Variants in TENM2 observed in about 807,000 individuals in gnomAD.
TENM2 encodes the protein teneurin-2.
In TENM2, 52 loss-of-function variants were observed where a neutral mutation model predicts 245.2. The observed-to-expected ratio is 0.21, with a 90% CI of 0.17 to 0.27. The LOEUF is 0.27. TENM2 is among the 10% of genes least tolerant of loss of function. The pLI is 1.00. For synonymous variants in TENM2, 1,363 were observed against 1,438.9 expected (o/e 0.95, Z 1.19); for missense variants, 3,046 against 3,666.8 (o/e 0.83, Z 4.37).
the TENM2 span, among the ~76,000 whole-genome samples, chr5:167,057,465 A>T: frequency 1.3e-5 from 2 of 152,080 alleles, no homozygotes; most frequent in Non-Finnish European, 2.9e-5. Flanking sequence ...ACTTTTTGTA[A>T]TGCAGTGATA....
rs542127822 is a variant in TENM2 at position 168,202,105 on chromosome 5, C to T, written c.3431-1584C>T. On this transcript the variant is annotated intron_variant, in intron 17 of 28. Transcript: ENST00000518659. ...TTCAGTAGCCATTGATGCTCATTGC[C>T]TAGTCTGTCTGGCCATTAGGGATTG... Among the ~76,000 whole-genome samples, 613 of 152,258 alleles carry T rather than the reference C, an allele frequency of 4.0e-3. 5 individuals are homozygous for T. The highest frequency in any genetic ancestry group is 0.014 in the African/African-American group (589 of 41,538).
chr5:167,259,955 G>T, the TENM2 span, among the ~76,000 whole-genome samples: 3 of 152,146 alleles, frequency 2.0e-5, no homozygotes, highest in East Asian at 5.8e-4. Context: ...AGCCTTTTAT[G>T]TCTTGAATCA....
chr5:168,225,733 C>T (rs916883108), intron 23 of TENM2, among the ~76,000 whole-genome samples: 28 of 149,288 alleles, frequency 1.9e-4, no homozygotes, highest in African/African-American at 6.7e-4. Flanking sequence ...TGCACTCCAG[C>T]CTGGGACAGA....
At chr5:167,815,044 G>A (rs563163344) in intron 2 of TENM2, among the ~76,000 whole-genome samples, 7 of 152,276 alleles carry the variant, frequency 4.6e-5, no homozygotes, top group Admixed American at 1.3e-4. Flanking sequence ...CTACAGAGAC[G>A]TCAACCACAG....
chr5:167,760,741 C>T (rs1762609239), intron 2 of TENM2, among the ~76,000 whole-genome samples: 1 of 152,272 alleles, frequency 6.6e-6, no homozygotes, highest in African/African-American at 2.4e-5. Context: ...GCAACCTCTG[C>T]CTCCCAAGTT....
At chr5:167,020,875 C>T in the TENM2 span, among the ~76,000 whole-genome samples, 1 of 152,190 alleles carries the variant, frequency 6.6e-6, no homozygotes, top group African/African-American at 2.4e-5. Context: ...CGGGCATGGC[C>T]GATCACTCCT....
At chr5:167,732,424 T>C (rs778832850) in intron 2 of TENM2, among the ~76,000 whole-genome samples, 41 of 152,310 alleles carry the variant, frequency 2.7e-4, no homozygotes, top group Middle Eastern at 6.8e-3. Flanking sequence ...TTAGTCAATG[T>C]GATGAGATTT....
intron 25 of TENM2, among the ~76,000 whole-genome samples, chr5:168,238,085 C>T (rs1765667564): frequency 6.8e-6 from 1 of 147,184 alleles, no homozygotes; most frequent in African/African-American, 2.5e-5. Context: ...GTGGAGCTTG[C>T]AGTGAGCCCA....
At chr5:167,262,772 T>C in the TENM2 span, among the ~76,000 whole-genome samples, 1 of 152,166 alleles carries the variant, frequency 6.6e-6, no homozygotes, top group African/African-American at 2.4e-5. Flanking sequence ...AATCTAGTTA[T>C]GTAAATTTTG....
chr5:167,383,610 G>A (rs770895412), intron 2 of TENM2, among the ~76,000 whole-genome samples: 3 of 151,392 alleles, frequency 2.0e-5, no homozygotes, highest in Non-Finnish European at 2.9e-5. Context: ...ATCCAGCAGG[G>A]CCTAATCACC....
intron 4 of TENM2, among the ~76,000 whole-genome samples, chr5:167,973,450 G>T (rs1407375506): frequency 3.3e-5 from 5 of 152,222 alleles, no homozygotes; most frequent in African/African-American, 1.2e-4. Flanking sequence ...GAGAGTGAAA[G>T]ATCGAAAAGA....
chr5:167,961,834 G>A (rs761593103), intron 4 of TENM2, among the ~76,000 whole-genome samples: 18 of 152,146 alleles, frequency 1.2e-4, no homozygotes, highest in East Asian at 1.9e-4. Flanking sequence ...CCAAAATAAG[G>A]TGGTGGAATG....
intron 2 of TENM2, among the ~76,000 whole-genome samples, chr5:167,505,883 A>G (rs767943547): frequency 6.6e-6 from 1 of 152,142 alleles, no homozygotes; most frequent in African/African-American, 2.4e-5. Flanking sequence ...GTCTTACGGA[A>G]TTGCTATTTA....
At chr5:167,453,076 A>G (rs956838121) in intron 2 of TENM2, among the ~76,000 whole-genome samples, 1 of 150,658 alleles carries the variant, frequency 6.6e-6, no homozygotes, top group South Asian at 2.1e-4. Flanking sequence ...ATTTCCATGG[A>G]TGAAGAGAGA....
intron 2 of TENM2, among the ~76,000 whole-genome samples, chr5:167,563,192 T>C (rs1361790496): frequency 3.3e-5 from 5 of 152,184 alleles, no homozygotes; most frequent in African/African-American, 1.2e-4. Context: ...TCATAAACTT[T>C]GTCTTCCACA....
intron 14 of TENM2, among the ~76,000 whole-genome samples, chr5:168,192,139 T>C (rs894396168): frequency 6.6e-6 from 1 of 152,162 alleles, no homozygotes; most frequent in African/African-American, 2.4e-5. Context: ...ACTATTTAAA[T>C]ACGTAAAAGT....
intron 2 of TENM2, among the ~76,000 whole-genome samples, chr5:167,608,515 A>G (rs1272845331): frequency 1.3e-5 from 2 of 152,232 alleles, no homozygotes; most frequent in African/African-American, 4.8e-5. Flanking sequence ...CAGCATTGCT[A>G]TCACAGCACG....
At chr5:168,263,178 C>A, downstream of TENM2, 1 of 182,984 alleles carries the variant, frequency 5.5e-6, no homozygotes, top group Non-Finnish European at 1.1e-5. Flanking sequence ...AAGAAGAAAA[C>A]AAACAAAAAC....
chr5:168,185,972 T>TTATATA (rs1213986912), intron 13 of TENM2: 6 of 5,796 alleles, frequency 1.0e-3, no homozygotes, highest in African/African-American at 6.8e-3. Flanking sequence ...ATATTTGAAT[T>TTATATA]TATATATATA....
Sources: allele counts gnomAD v4.1 joint callset (sites outside exome capture counted in the v4.1 genomes callset), GRCh38; gene constraint gnomAD v4.1.1; transcripts MANE v1.5; gene names NCBI Gene and HGNC (gene_info 2026-07-23, HGNC 2026-07-21).